TSSK4: variants seen among roughly 807,000 people sequenced by gnomAD.
TSSK4 encodes the protein testis-specific serine/threonine-protein kinase 4.
A neutral mutation model predicts 28.5 loss-of-function variants in TSSK4; 22 were observed. That is an observed-to-expected ratio of 0.77 (90% CI 0.55 to 1.10). The LOEUF (loss-of-function observed/expected upper bound fraction) is 1.10. Ranked by LOEUF, TSSK4 falls within the 50% of genes least tolerant of loss-of-function variation. The pLI is 0.00. For missense variants in TSSK4, 329 were observed against 415.4 expected, an observed-to-expected ratio of 0.79 and a Z score of 1.81; for synonymous variants, 151 against 158.3, an observed-to-expected ratio of 0.95 and a Z score of 0.35.
Position 24,206,643 on chromosome 14 carries a change from C to A in TSSK4, c.360C>A (p.Cys120Ter), listed in dbSNP as rs376711852. 6.2e-7 allele frequency: 1 copy of A among 1,614,218 alleles called. No individual in the cohort carries two copies. Among genetic ancestry groups the A allele is most frequent in the Admixed American group, 1.7e-5 (1 of 60,032 alleles). Reference protein sequence around the residue: ...VLEWIQRYGACSEPLAGKWFS... With the variant: ...VLEWIQRYGA ...AATGGATCCAGCGCTACGGGGCCTG[C>A]TCTGAGCCCCTTGCTGGCAAGTGGT... The change falls in exon 2 of 4, where the codon TGC becomes TGA. Residue 120 changes from cysteine (C) to a stop codon, truncating the protein, a stop_gained. Coordinates refer to ENST00000339917, the MANE Select transcript of TSSK4 (RefSeq NM_001184739.2). LOFTEE classifies it high-confidence loss of function.
intron 2 of TSSK4, 109 bp downstream of exon 2, chr14:24,206,832 G>A (rs1421378228): frequency 5.2e-6 from 6 of 1,159,808 alleles, no homozygotes; most frequent in Non-Finnish European, 7.4e-6. Context: ...TCAATATCTA[G>A]CCTATTCATG....
At position 24,208,105 on chromosome 14, in the gene TSSK4, A is replaced by G; in HGVS notation, c.976A>G (p.Asn326Asp). Reference sequence around the variant, plus strand: ...GCTTGAGGCCATGTGCCAGCTCCACAACACCACTAAACAGCACCAATCCTT... The same window carrying G: ...GCTTGAGGCCATGTGCCAGCTCCACGACACCACTAAACAGCACCAATCCTT... ...RLLEAMCQLH[N>D]TTKQHQSLQI... Residue 326 changes from asparagine to aspartate, a missense_variant, in exon 4 of 4, where the codon AAC becomes GAC. By Grantham distance (23) the Asn-to-Asp change is conservative. Coordinates refer to ENST00000339917, the MANE Select transcript of TSSK4 (RefSeq NM_001184739.2). The G allele has an allele frequency of 6.2e-7, 1 of 1,613,336 alleles. No individual in the cohort carries two copies. The highest frequency in any genetic ancestry group is 1.3e-5 in the African/African-American group (1 of 74,924).
At chr14:24,207,550 C>T (rs1428358565) in intron 3 of TSSK4, 41 bp downstream of exon 3, 3 of 1,548,528 alleles carry the variant, frequency 1.9e-6, no homozygotes, top group South Asian at 2.5e-5. Context: ...CAGGGATGAC[C>T]CACAGGGAGG....
At position 24,206,588 on chromosome 14, in the gene TSSK4, T is replaced by C; in HGVS notation, c.305T>C (p.Leu102Pro). Residue 102 changes from leucine (L) to proline (P), a missense_variant, in exon 2 of 4, where the codon CTG becomes CCG. Coordinates refer to ENST00000339917, the MANE Select transcript of TSSK4 (RefSeq NM_001184739.2). ...AGCACATCTCGAGTATACATCATTCTGGAACTGGCTCAGGGTGGTGATGTC... is the reference window on the plus strand; with the variant it reads ...AGCACATCTCGAGTATACATCATTCCGGAACTGGCTCAGGGTGGTGATGTC... Reference protein sequence around the residue: ...IESTSRVYIILELAQGGDVLE... With the variant: ...IESTSRVYIIPELAQGGDVLE... 1 of 1,614,266 alleles carries C rather than the reference T, an allele frequency of 6.2e-7. No homozygotes were observed. Among genetic ancestry groups the C allele is most frequent in the Non-Finnish European group, 8.5e-7 (1 of 1,180,036 alleles).
chr14:24,206,789 TC>T, intron 2 of TSSK4, 66 bp downstream of exon 2: 2 of 1,556,448 alleles, frequency 1.3e-6, no homozygotes, highest in Non-Finnish European at 1.8e-6. Flanking sequence ...ATCTCCCATT[TC>T]CTGTCCTTTT....
At chr14:24,207,628 A>G in intron 3 of TSSK4, 119 bp downstream of exon 3, 1 of 1,220,200 alleles carries the variant, frequency 8.2e-7, no homozygotes, top group Non-Finnish European at 1.1e-6. Context: ...TTCCCACACC[A>G]GAGCCATCTC....
In TSSK4 at chr14:24,207,874, A is replaced by C. The variant is rs117951141; in HGVS notation, c.835-90A>C. On this transcript the variant is annotated intron_variant, in intron 3 of 3. Transcript: ENST00000339917. ...TTTGACCAGAGTGGTATGATGGGCT[A>C]TCCTGCTTCTTTCTTAGGTCCAACT... 537 of 1,603,410 alleles carry C rather than the reference A, an allele frequency of 3.3e-4. 6 individuals are homozygous for C. The East Asian group carries it at 0.011, about 34-fold the overall frequency.
At chr14:24,207,634 A>G in intron 3 of TSSK4, 125 bp downstream of exon 3, 1 of 1,148,358 alleles carries the variant, frequency 8.7e-7, no homozygotes, top group East Asian at 2.4e-5. Context: ...CACCAGAGCC[A>G]TCTCACACAC....
rs1308270469 is a variant in TSSK4 at position 24,206,487 on chromosome 14, T to C, written c.226-22T>C. 5.0e-6 allele frequency: 8 copies of C among 1,613,694 alleles called. No individual in the cohort carries two copies. The South Asian group carries it at 7.7e-5, about 16-fold the overall frequency. On this transcript the variant is annotated intron_variant, in intron 1 of 3. Coordinates refer to ENST00000339917, the MANE Select transcript of TSSK4 (RefSeq NM_001184739.2). Reference sequence around the variant, plus strand: ...CAGGGTTCTCCCTTCCCAGGTTTGATGGGTCCTTCTTCTGGGGTCAGGTAA... The same window carrying C: ...CAGGGTTCTCCCTTCCCAGGTTTGACGGGTCCTTCTTCTGGGGTCAGGTAA...
At chr14:24,206,259 T>C in intron 1 of TSSK4, 111 bp downstream of exon 1, 1 of 1,061,192 alleles carries the variant, frequency 9.4e-7, no homozygotes, top group Non-Finnish European at 1.4e-6. Flanking sequence ...AAACCAGAAC[T>C]GAAATGTCTC....
chr14:24,207,193 A>G lies in TSSK4; in HGVS notation c.518A>G (p.Lys173Arg). ...TTGCTGGACAAGTGGGAGAATGTGA[A>G]GATATCAGACTTTGGCTTTGCCAAG... ...NLLLDKWENV[K>R]ISDFGFAKMV... is the part of the protein sequence containing the mutation. Residue 173 changes from lysine (K) to arginine (R), a missense_variant, in exon 3 of 4, where the codon AAG becomes AGG. Transcript: ENST00000339917. The G allele has an allele frequency of 6.2e-7, 1 of 1,614,088 alleles. No individual in the cohort carries two copies.
At position 24,206,337 on chromosome 14, in the gene TSSK4, C is replaced by A. The variant is rs373553186; in HGVS notation, c.226-172C>A. 3.5e-3 allele frequency among the ~76,000 whole-genome samples: 532 copies of A among 152,270 alleles called. 3 individuals carry two copies. The highest frequency in any genetic ancestry group is 0.012 in the African/African-American group (495 of 41,538). ...CATCCACCCACTCACCTTCAGTCCCCAAAAAGTAAAGGCACAAAACATAGC... is the reference window on the plus strand; with the variant it reads ...CATCCACCCACTCACCTTCAGTCCCAAAAAAGTAAAGGCACAAAACATAGC... On this transcript the variant is annotated intron_variant, in intron 1 of 3. Coordinates refer to ENST00000339917, the MANE Select transcript of TSSK4 (RefSeq NM_001184739.2).
chr14:24,207,086 T>A, intron 2 of TSSK4, 30 bp from the exon 3 acceptor site: 1 of 1,601,012 alleles, frequency 6.2e-7, no homozygotes. Context: ...GCCCTTCAGC[T>A]CCCAGTCTAA....
At chr14:24,206,793 G>C (rs2039526923) in intron 2 of TSSK4, 70 bp downstream of exon 2, 1 of 1,547,706 alleles carries the variant, frequency 6.5e-7, no homozygotes, top group Non-Finnish European at 8.8e-7. Flanking sequence ...CCCATTTCCT[G>C]TCCTTTTTTC....
rs1459010967 is a variant in TSSK4, at chr14:24,207,526, G to A, written c.834+17G>A. ...GAGTGCAAGGTACTGGCTACCTAAG[G>A]AGGGCTGAGCCTTCAGGGATGACCC... is the stretch of plus-strand genomic sequence containing the variant. On this transcript the variant is annotated intron_variant, in intron 3 of 3. Coordinates refer to ENST00000339917, the MANE Select transcript of TSSK4 (RefSeq NM_001184739.2). 6.3e-7 allele frequency: 1 copy of A among 1,584,110 alleles called. No homozygotes were observed. Among genetic ancestry groups the A allele is most frequent in the African/African-American group, 1.4e-5 (1 of 73,962 alleles).
At chr14:24,207,587 A>G in intron 3 of TSSK4, 78 bp downstream of exon 3, 2 of 1,492,568 alleles carry the variant, frequency 1.3e-6, no homozygotes, top group Non-Finnish European at 1.8e-6. Flanking sequence ...AGGTCACCCA[A>G]CCTAGGCCTC....
chr14:24,205,771 G>C lies in TSSK4; in HGVS notation c.-153G>C. On this transcript the variant is annotated 5_prime_UTR_variant, in exon 1 of 4. Coordinates refer to ENST00000339917, the MANE Select transcript of TSSK4 (RefSeq NM_001184739.2). Reference sequence around the variant, plus strand: ...CCCTCCAAGTTCCTAGTGGAGGGCTGAGTCCAGCATCCCAGACTCGTGTGA... The same window carrying C: ...CCCTCCAAGTTCCTAGTGGAGGGCTCAGTCCAGCATCCCAGACTCGTGTGA... 1 of 614,280 alleles carries C rather than the reference G, an allele frequency of 1.6e-6. No homozygotes were observed. The highest frequency in any genetic ancestry group is 2.0e-5 in the South Asian group (1 of 50,086). The allele number at this position is 614,280 out of a possible 1,614,324, so 38.1% of individuals were successfully genotyped here.
In TSSK4 at chr14:24,208,120, C is replaced by T; in HGVS notation, c.991C>T (p.His331Tyr). The T allele has an allele frequency of 6.2e-7, 1 of 1,604,924 alleles. No individual in the cohort carries two copies. Among genetic ancestry groups the T allele is most frequent in the Middle Eastern group, 1.7e-4 (1 of 6,038 alleles). Residue 331 changes from histidine (H) to tyrosine (Y), a missense_variant, in exon 4 of 4, where the codon CAC becomes TAC. Transcript: ENST00000339917. Reference protein sequence around the residue: ...MCQLHNTTKQHQSLQITT With the variant: ...MCQLHNTTKQYQSLQITT Reference sequence around the variant, plus strand: ...CCAGCTCCACAACACCACTAAACAGCACCAATCCTTGCAAATTACGACCTG... The same window carrying T: ...CCAGCTCCACAACACCACTAAACAGTACCAATCCTTGCAAATTACGACCTG...
In TSSK4 at chr14:24,205,900, C is replaced by T; in HGVS notation, c.-24C>T. On this transcript the variant is annotated 5_prime_UTR_variant, in exon 1 of 4. Transcript: ENST00000339917. ...AGGAGGCTTCCAAGTAGTAAAGCTC[C>T]CTGCTCTCAGCAAGCCCAACACCAT... 6.2e-7 allele frequency: 1 copy of T among 1,602,388 alleles called. No homozygotes were observed. The highest frequency in any genetic ancestry group is 1.1e-5 in the South Asian group (1 of 90,808).
Sources: allele counts gnomAD v4.1 joint callset (sites outside exome capture counted in the v4.1 genomes callset), GRCh38; gene constraint gnomAD v4.1.1; transcripts MANE v1.5; gene names NCBI Gene and HGNC (gene_info 2026-07-23, HGNC 2026-07-21).